The following CBR1 variants were observed in gnomAD, a reference collection of about 807,000 sequenced individuals.
The protein encoded by CBR1 is carbonyl reductase [NADPH] 1.
Under a neutral mutation model 10.6 loss-of-function variants are expected in CBR1, and 11 were observed. That is an observed-to-expected ratio of 1.03 (90% CI 0.65 to 1.71). The LOEUF is 1.71. CBR1 is among the 40% of genes most tolerant of loss of function. The pLI is 0.00. For synonymous variants in CBR1, 158 were observed against 156.7 expected (o/e 1.01, Z -0.06); for missense variants, 361 against 368.6 (o/e 0.98, Z 0.17).
chr21:36,071,899 T>C (rs929026045), intron 2 of CBR1: 3 of 1,536,012 alleles, frequency 2.0e-6, no homozygotes, highest in African/African-American at 2.7e-5. Context: ...TTCACAGAGA[T>C]GTCCATAATC....
In CBR1 at chr21:36,072,810, G is replaced by A; in HGVS notation, c.762G>A (p.Leu254=). 6.2e-7 allele frequency: 1 copy of A among 1,613,956 alleles called. No individual in the cohort carries two copies. The change falls in exon 3 of 3, where the codon TTG becomes TTA. Residue 254 remains leucine, a synonymous_variant. Transcript: ENST00000290349. ...AAGGTGCAGAGACCCCTGTGTACTT[G>A]GCCCTTTTGCCCCCAGATGCTGAGG... is the stretch of plus-strand genomic sequence containing the variant. ...PEEGAETPVY[L]ALLPPDAEGP...
In CBR1 at chr21:36,072,646, G is replaced by A; in HGVS notation, c.598G>A (p.Gly200Ser). ...CAGCGCATACGGGGTGACGAAGATT[G>A]GCGTCACCGTTCTGTCCAGGATCCA... Reference protein sequence around the residue: ...PSSAYGVTKIGVTVLSRIHAR... With the variant: ...PSSAYGVTKISVTVLSRIHAR... Residue 200 changes from glycine (G) to serine (S), a missense_variant, in exon 3 of 3, where the codon GGC becomes AGC. Transcript: ENST00000290349. The A allele has an allele frequency of 6.2e-7, 1 of 1,611,886 alleles. No homozygotes were observed.
In CBR1 at chr21:36,072,572, T is replaced by C. The variant is rs1458662102; in HGVS notation, c.524T>C (p.Phe175Ser). 6.2e-7 allele frequency: 1 copy of C among 1,601,608 alleles called. No individual in the cohort carries two copies. Residue 175 changes from phenylalanine to serine, a missense_variant, in exon 3 of 3, where the codon TTT (phenylalanine) becomes TCT (serine). Phe to Ser is a radical substitution (Grantham distance 155, BLOSUM62 -2). Coordinates refer to ENST00000290349, the MANE Select transcript of CBR1 (RefSeq NM_001757.4). ...GAGCTGGTGGGGCTCATGAACAAGT[T>C]TGTGGAGGATACAAAGAAGGGAGTG... ...EEELVGLMNK[F>S]VEDTKKGVHQ...
chr21:36,070,878 T>TAGTA, intron 1 of CBR1, 72 bp from the exon 2 acceptor site: 1 of 901,764 alleles, frequency 1.1e-6, no homozygotes, highest in Non-Finnish European at 1.7e-6. Context: ...TTTTTTTTTT[T>TAGTA]TTAGTATCAT....
rs762808256 is a variant in CBR1, at chr21:36,072,655, G to A, written c.607G>A (p.Val203Ile). 65 of 1,613,080 alleles carry A rather than the reference G, an allele frequency of 4.0e-5. No individual in the cohort carries two copies. The highest frequency in any genetic ancestry group is 5.3e-5 in the African/African-American group (4 of 74,872). Residue 203 changes from valine to isoleucine, a missense_variant, in exon 3 of 3, where the codon GTT becomes ATT. Coordinates refer to ENST00000290349, the MANE Select transcript of CBR1 (RefSeq NM_001757.4). ...CGGGGTGACGAAGATTGGCGTCACCGTTCTGTCCAGGATCCACGCCAGGAA... is the reference window on the plus strand; with the variant it reads ...CGGGGTGACGAAGATTGGCGTCACCATTCTGTCCAGGATCCACGCCAGGAA... ...AYGVTKIGVT[V>I]LSRIHARKLS...
Position 36,071,002 on chromosome 21 carries a change from T to G in CBR1, c.342T>G (p.Asn114Lys), listed in dbSNP as rs150365005. 40 of 1,613,888 alleles carry G rather than the reference T, an allele frequency of 2.5e-5. No homozygotes were observed. The highest frequency in any genetic ancestry group is 2.2e-5 in the Non-Finnish European group (26 of 1,179,954). ...HIQAEVTMKT[N>K]FFGTRDVCTE... Reference sequence around the variant, plus strand: ...AAGCTGAAGTGACGATGAAAACAAATTTCTTTGGTACCCGAGATGTGTGCA... The same window carrying G: ...AAGCTGAAGTGACGATGAAAACAAAGTTCTTTGGTACCCGAGATGTGTGCA... The change falls in exon 2 of 3, where the codon AAT becomes AAG. Residue 114 changes from asparagine to lysine, a missense_variant. By Grantham distance (94) the Asn-to-Lys change is moderately conservative. Coordinates refer to ENST00000290349, the MANE Select transcript of CBR1 (RefSeq NM_001757.4).
rs769114657 is a variant in CBR1 at position 36,070,364 on chromosome 21, C to T, written c.249C>T (p.Gly83=). The T allele has an allele frequency of 5.0e-6, 8 of 1,611,880 alleles. No individual in the cohort carries two copies. The East Asian group carries it at 1.1e-4, about 22-fold the overall frequency. ...LRDFLRKEYG[G]LDVLVNNAGI... ...ACTTCCTGCGCAAGGAGTACGGGGGCCTGGACGTGCTGGTCAACAACGCGG... is the reference window on the plus strand; with the variant it reads ...ACTTCCTGCGCAAGGAGTACGGGGGTCTGGACGTGCTGGTCAACAACGCGG... Residue 83 remains glycine, a synonymous_variant, in exon 1 of 3, where the codon GGC becomes GGT. Transcript: ENST00000290349.
At chr21:36,071,834 A>G (rs1256934082) in intron 2 of CBR1, 3 of 1,535,728 alleles carry the variant, frequency 2.0e-6, no homozygotes, top group East Asian at 2.4e-5. Context: ...TACTGTCTGC[A>G]TGGTCATGCC....
At position 36,072,485 on chromosome 21, in the gene CBR1, C is replaced by A. The variant is rs1389111479; in HGVS notation, c.437C>A (p.Ala146Asp). 1 of 1,613,662 alleles carries A rather than the reference C, an allele frequency of 6.2e-7. No individual in the cohort carries two copies. The highest frequency in any genetic ancestry group is 1.7e-5 in the Admixed American group (1 of 59,948). Reference sequence around the variant, plus strand: ...GTATCTAGCATCATGAGCGTCAGAGCCCTTAAAAGCTGCAGCCCAGAGCTG... The same window carrying A: ...GTATCTAGCATCATGAGCGTCAGAGACCTTAAAAGCTGCAGCCCAGAGCTG... ...VNVSSIMSVR[A>D]LKSCSPELQQ... The change falls in exon 3 of 3, where the codon GCC becomes GAC. Residue 146 changes from alanine (A) to aspartate (D), a missense_variant. Coordinates refer to ENST00000290349, the MANE Select transcript of CBR1 (RefSeq NM_001757.4).
rs150206324 is a variant in CBR1 at position 36,072,940 on chromosome 21, A to G, written c.*58A>G. 464 of 1,228,618 alleles carry G rather than the reference A, an allele frequency of 3.8e-4. No individual in the cohort carries two copies. The East Asian group carries it at 9.5e-3, about 25-fold the overall frequency. 76.1% of individuals were successfully genotyped at this position (1,228,618 alleles called of 1,614,324 possible). A position where few individuals can be genotyped will look rare whatever the true frequency, so the allele number is the denominator to read the frequency against. On this transcript the variant is annotated 3_prime_UTR_variant, in exon 3 of 3. Coordinates refer to ENST00000290349, the MANE Select transcript of CBR1 (RefSeq NM_001757.4). ...TTTGTACCTTGTCCTGAGTTGGTCC[A>G]AAGGGCATTTACAATGTCATAAATA... is the stretch of plus-strand genomic sequence containing the variant.
At position 36,071,023 on chromosome 21, in the gene CBR1, G is replaced by A. The variant is rs1334098113; in HGVS notation, c.363G>A (p.Val121=). ...CAAATTTCTTTGGTACCCGAGATGT[G>A]TGCACAGAATTACTCCCTCTAATAA... The part of the protein sequence containing the change: ...MKTNFFGTRD[V]CTELLPLIKP... The change falls in exon 2 of 3, where the codon GTG becomes GTA. Residue 121 remains valine (V), a synonymous_variant. Coordinates refer to ENST00000290349, the MANE Select transcript of CBR1 (RefSeq NM_001757.4). 1.2e-6 allele frequency: 2 copies of A among 1,613,450 alleles called. No individual in the cohort carries two copies. The highest frequency in any genetic ancestry group is 2.2e-5 in the East Asian group (1 of 44,864).
intron 2 of CBR1, 33 bp from the exon 3 acceptor site, chr21:36,072,413 C>A (rs749029472): frequency 1.2e-6 from 2 of 1,614,018 alleles, no homozygotes; most frequent in Non-Finnish European, 1.7e-6. Flanking sequence ...TTGTTGCACA[C>A]CTTTCTACAT....
At position 36,072,733 on chromosome 21, in the gene CBR1, G is replaced by T; in HGVS notation, c.685G>T (p.Gly229Trp). 6.2e-7 allele frequency: 1 copy of T among 1,614,174 alleles called. No individual in the cohort carries two copies. The highest frequency in any genetic ancestry group is 1.1e-5 in the South Asian group (1 of 91,076). ...GATCCTCCTGAATGCCTGCTGCCCA[G>T]GGTGGGTGAGAACTGACATGGCGGG... The part of the protein sequence containing the change: ...DKILLNACCP[G>W]WVRTDMAGPK... The change falls in exon 3 of 3, where the codon GGG becomes TGG. Residue 229 changes from glycine (G) to tryptophan (W), a missense_variant. Coordinates refer to ENST00000290349, the MANE Select transcript of CBR1 (RefSeq NM_001757.4).
chr21:36,070,535 G>A (rs2065344276), intron 1 of CBR1, 131 bp downstream of exon 1: 3 of 903,836 alleles, frequency 3.3e-6, no homozygotes, highest in Non-Finnish European at 4.7e-6. Flanking sequence ...CAGAAACCTT[G>A]GAGAAAGTGA....
rs558896125 is a variant in CBR1 at position 36,070,332 on chromosome 21, C to A, written c.217C>A (p.Leu73Met). The A allele has an allele frequency of 1.2e-6, 2 of 1,613,256 alleles. No homozygotes were observed. Among genetic ancestry groups the A allele is most frequent in the African/African-American group, 2.7e-5 (2 of 74,934 alleles). ...CGACGATCTGCAGAGCATCCGCGCC[C>A]TGCGCGACTTCCTGCGCAAGGAGTA... ...DIDDLQSIRA[L>M]RDFLRKEYGG... The change falls in exon 1 of 3, where the codon CTG becomes ATG. Residue 73 changes from leucine (L) to methionine (M), a missense_variant. Coordinates refer to ENST00000290349, the MANE Select transcript of CBR1 (RefSeq NM_001757.4).
intron 2 of CBR1, chr21:36,071,360 T>C (rs1005694): frequency 0.92 from 561,861 of 609,268 alleles, 260,020 homozygotes; most frequent in African/African-American, 0.99. Flanking sequence ...CATTCCCCTC[T>C]GCGTGGGAGT....
At chr21:36,071,307 G>A in intron 2 of CBR1, 1 of 653,434 alleles carries the variant, frequency 1.5e-6, no homozygotes, top group South Asian at 1.7e-5. Flanking sequence ...CATCCTTCAG[G>A]TCTTAGCTCA....
chr21:36,071,269 A>C (rs2065350292), intron 2 of CBR1: 9 of 686,570 alleles, frequency 1.3e-5, no homozygotes, highest in Non-Finnish European at 8.0e-6. Context: ...TCCCTGTCGC[A>C]CTGGTCTTTG....
chr21:36,072,459 C>G lies in CBR1; in HGVS notation c.411C>G (p.Asn137Lys). The change falls in exon 3 of 3, where the codon AAC (asparagine) becomes AAG (lysine). Residue 137 changes from asparagine to lysine, a missense_variant. Physicochemically the swap from Asn to Lys is moderately conservative, Grantham distance 94 (BLOSUM62 0). Coordinates refer to ENST00000290349, the MANE Select transcript of CBR1 (RefSeq NM_001757.4). ...GGTGTATCTTAGGGAGAGTGGTGAA[C>G]GTATCTAGCATCATGAGCGTCAGAG... ...PLIKPQGRVV[N>K]VSSIMSVRAL... The G allele has an allele frequency of 1.2e-6, 2 of 1,614,086 alleles. No homozygotes were observed. The highest frequency in any genetic ancestry group is 1.7e-6 in the Non-Finnish European group (2 of 1,179,996).
Sources: allele counts gnomAD v4.1 joint callset, GRCh38; gene constraint gnomAD v4.1.1; transcripts MANE v1.5; gene names NCBI Gene and HGNC (gene_info 2026-07-23, HGNC 2026-07-21).